The following ZEB1 variants were observed in gnomAD, a reference collection of about 807,000 sequenced individuals.
The protein encoded by ZEB1 is zinc finger E-box binding homeobox 1.
A neutral mutation model predicts 84.9 loss-of-function variants in ZEB1; 21 were observed. The ratio of observed to expected loss-of-function variants is 0.25; its 90% CI spans 0.18 to 0.36. The LOEUF is 0.36. ZEB1 is among the 10% of genes least tolerant of loss of function. The probability of loss-of-function intolerance (pLI) is 1.00; values close to 1 mark genes in which losing one functional copy is unlikely to be tolerated. For missense variants in ZEB1, 1,104 were observed against 1,330.2 expected, an observed-to-expected ratio of 0.83 and a Z score of 2.65; for synonymous variants, 420 against 471.1, an observed-to-expected ratio of 0.89 and a Z score of 1.41.
intron 1 of ZEB1, among the ~76,000 whole-genome samples, chr10:31,414,627 C>T (rs1285355052): frequency 6.6e-6 from 1 of 152,140 alleles, no homozygotes; most frequent in Non-Finnish European, 1.5e-5. Context: ...GCATTGATGA[C>T]TCAGTGATTT....
intron 1 of ZEB1, among the ~76,000 whole-genome samples, chr10:31,417,708 A>G (rs895198013): frequency 6.6e-6 from 1 of 151,992 alleles, no homozygotes; most frequent in African/African-American, 2.4e-5. Context: ...TGCATTTCAT[A>G]TTTTTAACCA....
chr10:31,481,684 T>G (rs527280722), intron 2 of ZEB1, among the ~76,000 whole-genome samples: 18 of 151,908 alleles, frequency 1.2e-4, no homozygotes, highest in Middle Eastern at 3.4e-3. Flanking sequence ...AATGAATGAA[T>G]GATGAGAGCA....
At chr10:31,440,847 A>G (rs1350524833) in intron 1 of ZEB1, among the ~76,000 whole-genome samples, 2 of 152,204 alleles carry the variant, frequency 1.3e-5, no homozygotes, top group South Asian at 4.1e-4. Context: ...TCCAACTTAC[A>G]AGGGACGTGA....
intron 4 of ZEB1, among the ~76,000 whole-genome samples, chr10:31,510,160 T>G (rs1203192346): frequency 2.0e-5 from 3 of 152,140 alleles, no homozygotes; most frequent in Non-Finnish European, 2.9e-5. Flanking sequence ...CTTGGAAACA[T>G]AGTGTGTGTG....
At chr10:31,416,234 G>A (rs1055648858) in intron 1 of ZEB1, among the ~76,000 whole-genome samples, 1 of 152,022 alleles carries the variant, frequency 6.6e-6, no homozygotes, top group African/African-American at 2.4e-5. Context: ...CTTTAGGAAA[G>A]ACGATTTAGT....
intron 1 of ZEB1, chr10:31,321,254 A>G: frequency 1.6e-6 from 2 of 1,267,454 alleles, no homozygotes; most frequent in Non-Finnish European, 1.0e-6. Flanking sequence ...CTGTTTCAAG[A>G]TGTTTCCTTC....
chr10:31,434,215 A>G (rs781064390), intron 1 of ZEB1, among the ~76,000 whole-genome samples: 19 of 152,234 alleles, frequency 1.2e-4, no homozygotes, highest in Non-Finnish European at 2.4e-4. Context: ...GATCATGCCA[A>G]TAAAGCATCT....
At chr10:31,514,217 G>C (rs759259917) in intron 5 of ZEB1, among the ~76,000 whole-genome samples, 1 of 152,022 alleles carries the variant, frequency 6.6e-6, no homozygotes, top group Non-Finnish European at 1.5e-5. Flanking sequence ...TGTGGATGCG[G>C]TTTCTATATC....
At chr10:31,518,146 T>C (rs989150288) in intron 6 of ZEB1, among the ~76,000 whole-genome samples, 2 of 152,194 alleles carry the variant, frequency 1.3e-5, no homozygotes, top group African/African-American at 4.8e-5. Context: ...AGAGATGTAC[T>C]AGAGTATATT....
chr10:31,365,667 A>G (rs1266886797), intron 1 of ZEB1, among the ~76,000 whole-genome samples: 2 of 152,224 alleles, frequency 1.3e-5, no homozygotes, highest in East Asian at 3.8e-4. Context: ...GAGCTATTTA[A>G]CAGTCATATG....
rs151212379 is a variant in ZEB1 at position 31,434,575 on chromosome 10, A to G, written c.59-26462A>G. ...TAAAAACAATTACCAAATCATTAAC[A>G]TAAACTTTTTGAAACTTTATGTCCC... On this transcript the variant is annotated intron_variant, in intron 1 of 8. Coordinates refer to ENST00000424869, the MANE Select transcript of ZEB1 (RefSeq NM_001174096.2). Among the ~76,000 whole-genome samples the G allele has an allele frequency of 3.4e-3, 511 of 152,188 alleles. 2 individuals are homozygous for G. The highest frequency in any genetic ancestry group is 5.6e-3 in the Non-Finnish European group (379 of 67,916).
At chr10:31,361,038 A>G in intron 1 of ZEB1, 1 of 1,610,944 alleles carries the variant, frequency 6.2e-7, no homozygotes, top group South Asian at 1.1e-5. Context: ...TTATTTTGGA[A>G]GGGATTCTGA....
chr10:31,416,534 G>A (rs1231675573), intron 1 of ZEB1, among the ~76,000 whole-genome samples: 1 of 152,030 alleles, frequency 6.6e-6, no homozygotes, highest in Non-Finnish European at 1.5e-5. Context: ...AGACTATTAT[G>A]TAGGTTTTTG....
intron 1 of ZEB1, among the ~76,000 whole-genome samples, chr10:31,325,552 A>G (rs1440317668): frequency 1.3e-5 from 2 of 152,054 alleles, no homozygotes; most frequent in Non-Finnish European, 2.9e-5. Context: ...ACCTTACAGT[A>G]TGGCAACCTG....
chr10:31,385,714 G>T (rs2048519151), intron 1 of ZEB1, among the ~76,000 whole-genome samples: 1 of 151,880 alleles, frequency 6.6e-6, no homozygotes, highest in Non-Finnish European at 1.5e-5. Flanking sequence ...TTTTAGTAGA[G>T]ATGGGGTTTC....
chr10:31,385,741 T>G (rs2048523953), intron 1 of ZEB1, among the ~76,000 whole-genome samples: 1 of 152,136 alleles, frequency 6.6e-6, no homozygotes, highest in Non-Finnish European at 1.5e-5. Flanking sequence ...TTGGCCAAGC[T>G]GGTCTCGAAC....
intron 1 of ZEB1, among the ~76,000 whole-genome samples, chr10:31,347,040 G>A (rs778876783): frequency 6.6e-6 from 1 of 152,242 alleles, no homozygotes; most frequent in East Asian, 1.9e-4. Flanking sequence ...TCCAAAGTAA[G>A]ATAAAGCTCA....
intron 1 of ZEB1, among the ~76,000 whole-genome samples, chr10:31,438,159 CTG>C (rs1489369285): frequency 1.3e-5 from 2 of 152,172 alleles, no homozygotes; most frequent in African/African-American, 4.8e-5. Context: ...CTCCTGGCGT[CTG>C]TGCAGTAAGA....
At chr10:31,462,173 A>C (rs2061896542) in intron 2 of ZEB1, among the ~76,000 whole-genome samples, 1 of 152,222 alleles carries the variant, frequency 6.6e-6, no homozygotes, top group African/African-American at 2.4e-5. Flanking sequence ...GGATAATGAA[A>C]TATGGAAGTG....
Sources: allele counts gnomAD v4.1 joint callset (sites outside exome capture counted in the v4.1 genomes callset), GRCh38; gene constraint gnomAD v4.1.1; transcripts MANE v1.5; gene names NCBI Gene and HGNC (gene_info 2026-07-23, HGNC 2026-07-21).